CDK15: variants seen among roughly 807,000 people sequenced by gnomAD.
CDK15 encodes the protein cyclin dependent kinase 15.
A neutral mutation model predicts 60.3 loss-of-function variants in CDK15; 62 were observed. The observed-to-expected ratio is 1.03, with a 90% confidence interval of 0.84 to 1.27. The LOEUF is 1.27. Among genes scored for constraint, CDK15 ranks in the 50% most tolerant of loss-of-function variants. The pLI, the probability that CDK15 is intolerant of heterozygous loss-of-function variation, is 0.00. For synonymous variants in CDK15, 194 were observed against 195.7 expected (o/e 0.99, Z 0.07); for missense variants, 541 against 527.8 (o/e 1.03, Z -0.25).
At chr2:201,859,071 G>A (rs960354957) in intron 10 of CDK15, among the ~76,000 whole-genome samples, 11 of 152,164 alleles carry the variant, frequency 7.2e-5, no homozygotes, top group Non-Finnish European at 1.3e-4. Context: ...TCAAGCTGGC[G>A]GGCCGGGGCT....
chr2:201,890,915 A>G lies in CDK15; in HGVS notation c.*21A>G. ...GGTGAAAAGAAAGGGCGAGATCACC[A>G]AGGTTCTTCCAGGTAAGTGGTTGCA... On this transcript the variant is annotated 3_prime_UTR_variant, in exon 13 of 14. Transcript: ENST00000652192. The G allele has an allele frequency of 6.3e-7, 1 of 1,577,724 alleles. No individual in the cohort carries two copies. The highest frequency in any genetic ancestry group is 8.7e-7 in the Non-Finnish European group (1 of 1,148,818).
chr2:201,809,566 A>G (rs1491003547), intron 3 of CDK15, among the ~76,000 whole-genome samples: 2 of 152,192 alleles, frequency 1.3e-5, no homozygotes, highest in Non-Finnish European at 2.9e-5. Context: ...CATGATTTTA[A>G]TTATTGTTGC....
intron 6 of CDK15, among the ~76,000 whole-genome samples, chr2:201,825,192 T>G (rs1473238848): frequency 1.3e-5 from 2 of 150,486 alleles, no homozygotes; most frequent in Non-Finnish European, 2.9e-5. Context: ...CGCACACCTG[T>G]AACCCCAGCT....
intron 9 of CDK15, among the ~76,000 whole-genome samples, chr2:201,853,162 TC>T (rs1055145506): frequency 3.3e-5 from 5 of 152,188 alleles, no homozygotes; most frequent in Non-Finnish European, 7.3e-5. Flanking sequence ...CCTGGCCTTC[TC>T]CCACAAAAGA....
Position 201,880,058 on chromosome 2 carries a change from G to A in CDK15, c.1089G>A (p.Leu363=). The change falls in exon 12 of 14, where the codon CTG becomes CTA. Residue 363 remains leucine (L), a synonymous_variant. Transcript: ENST00000652192. ...GCAGGGTTCCTGAAGCTGAAGACCT[G>A]GCCTCCCAGATGCTAAAAGGCTTTC... ...RLGRVPEAED[L]ASQMLKGFPR... 2.5e-6 allele frequency: 4 copies of A among 1,614,020 alleles called. No homozygotes were observed. In the South Asian group the frequency reaches 3.3e-5, roughly 13 times the overall value.
rs567446911 is a variant in CDK15, at chr2:201,861,500, C to T, written c.1009+6563C>T. The T allele has an allele frequency of 3.4e-4, 332 of 979,846 alleles. No homozygotes were observed. In the Middle Eastern group the frequency reaches 5.3e-3, roughly 16 times the overall value. 60.7% of individuals were successfully genotyped at this position (979,846 alleles called of 1,614,324 possible). A position where few individuals can be genotyped will look rare whatever the true frequency, so the allele number is the denominator to read the frequency against. ...GAATTGCATCTGCTATAGTGCCTAA[C>T]TTTTAGTAGGTACTCAATAAAAGTT... On this transcript the variant is annotated intron_variant, in intron 10 of 13. Coordinates refer to ENST00000652192, the MANE Select transcript of CDK15 (RefSeq NM_001366386.2).
At chr2:201,869,277 G>A (rs895406760) in intron 10 of CDK15, among the ~76,000 whole-genome samples, 8 of 151,798 alleles carry the variant, frequency 5.3e-5, no homozygotes, top group African/African-American at 1.9e-4. Flanking sequence ...ACTATCGCAA[G>A]GACAGAAAAC....
intron 10 of CDK15, among the ~76,000 whole-genome samples, chr2:201,856,273 C>T (rs1178038787): frequency 6.6e-6 from 1 of 152,058 alleles, no homozygotes; most frequent in Non-Finnish European, 1.5e-5. Flanking sequence ...CTTTAGCATC[C>T]AATACTTTTG....
chr2:201,821,154 G>C (rs1000667336), intron 4 of CDK15, among the ~76,000 whole-genome samples: 10 of 152,124 alleles, frequency 6.6e-5, no homozygotes, highest in African/African-American at 2.2e-4. Context: ...CACAGGTTTA[G>C]CTCTCACAAT....
intron 4 of CDK15, among the ~76,000 whole-genome samples, chr2:201,818,120 T>C (rs1696069577): frequency 6.6e-6 from 1 of 152,194 alleles, no homozygotes; most frequent in South Asian, 2.1e-4. Flanking sequence ...TGGCTTTCAT[T>C]AATTCATGAG....
intron 8 of CDK15, among the ~76,000 whole-genome samples, chr2:201,836,213 T>A (rs1299494313): frequency 3.2e-5 from 4 of 125,108 alleles, no homozygotes; most frequent in Admixed American, 1.9e-4. Flanking sequence ...ATATGTATTT[T>A]TTTTTTTTGA....
intron 8 of CDK15, among the ~76,000 whole-genome samples, chr2:201,838,938 A>G (rs187612164): frequency 6.6e-6 from 1 of 151,622 alleles, no homozygotes; most frequent in East Asian, 1.9e-4. Flanking sequence ...GTTTTACTTG[A>G]TTTTAAGGGT....
intron 3 of CDK15, among the ~76,000 whole-genome samples, chr2:201,809,341 TTA>T (rs889157199): frequency 1.3e-5 from 2 of 152,168 alleles, no homozygotes; most frequent in African/African-American, 4.8e-5. Flanking sequence ...TCTAGTTACT[TTA>T]TGTTTTCTTT....
At chr2:201,860,688 G>A (rs1359105476) in intron 10 of CDK15, 3 of 1,351,204 alleles carry the variant, frequency 2.2e-6, no homozygotes, top group Non-Finnish European at 2.9e-6. Context: ...GACAGGCCAA[G>A]GGATGCCCAG....
chr2:201,829,016 G>A (rs1696631658), intron 6 of CDK15, among the ~76,000 whole-genome samples: 1 of 152,168 alleles, frequency 6.6e-6, no homozygotes. Flanking sequence ...GGAGTTGGCT[G>A]TCAGGAATTT....
intron 10 of CDK15, 23 bp downstream of exon 10, chr2:201,854,960 A>G (rs1442719246): frequency 6.2e-7 from 1 of 1,610,272 alleles, no homozygotes; most frequent in Non-Finnish European, 8.5e-7. Context: ...TGAGCTTCTG[A>G]ATACTCTGAG....
chr2:201,823,429 G>T lies in CDK15; in HGVS notation c.544-236G>T, dbSNP rs181849116. The stretch of plus-strand genomic sequence containing the variant: ...GTGTTCAGTGCCAGTCATTTAAAAT[G>T]AGCATCTCTGTGCTGAGAAACAGGC... On this transcript the variant is annotated intron_variant, in intron 5 of 13. Transcript: ENST00000652192. Among the ~76,000 whole-genome samples, 4 of 152,312 alleles carry T rather than the reference G, an allele frequency of 2.6e-5. No homozygotes were observed. The East Asian group carries it at 7.7e-4, about 29-fold the overall frequency.
chr2:201,806,855 T>C, intron 1 of CDK15, 68 bp downstream of exon 1: 1 of 1,554,580 alleles, frequency 6.4e-7, no homozygotes, highest in Non-Finnish European at 8.7e-7. Flanking sequence ...ACTCCCTTTT[T>C]GTAGCGGGAT....
intron 9 of CDK15, 66 bp downstream of exon 9, chr2:201,847,540 T>TG: frequency 3.6e-6 from 5 of 1,401,506 alleles, no homozygotes; most frequent in Non-Finnish European, 5.0e-6. Flanking sequence ...CAAATTTGCC[T>TG]TACAGACAAA....
Sources: allele counts gnomAD v4.1 joint callset (sites outside exome capture counted in the v4.1 genomes callset), GRCh38; gene constraint gnomAD v4.1.1; transcripts MANE v1.5; gene names NCBI Gene and HGNC (gene_info 2026-07-23, HGNC 2026-07-21).